PDS5A: variants seen among roughly 807,000 people sequenced by gnomAD.
PDS5A encodes sister chromatid cohesion protein PDS5 homolog A.
PDS5A carries 42 observed loss-of-function variants against 167.1 expected under a neutral mutation model. The observed-to-expected ratio is 0.25, with a 90% CI of 0.20 to 0.33. PDS5A has a LOEUF of 0.33. PDS5A is among the 10% of genes least tolerant of loss of function. The pLI, the probability that PDS5A is intolerant of heterozygous loss-of-function variation, is 1.00. For synonymous variants in PDS5A, 553 were observed against 554.6 expected (o/e 1.00, Z 0.04); for missense variants, 1,033 against 1,605.9 (o/e 0.64, Z 6.10).
At chr4:39,937,042 C>G (rs571494026) in intron 2 of PDS5A, among the ~76,000 whole-genome samples, 19 of 152,300 alleles carry the variant, frequency 1.2e-4, no homozygotes, top group African/African-American at 3.8e-4. Context: ...CCCAGCATAT[C>G]ACTGTGTTCA....
intron 26 of PDS5A, among the ~76,000 whole-genome samples, chr4:39,854,910 T>C (rs1718415223): frequency 6.6e-6 from 1 of 152,210 alleles, no homozygotes; most frequent in Non-Finnish European, 1.5e-5. Flanking sequence ...GAATAATTGT[T>C]TTCTTCTTAA....
chr4:39,951,902 A>G (rs1285191805), intron 2 of PDS5A, among the ~76,000 whole-genome samples: 1 of 150,324 alleles, frequency 6.7e-6, no homozygotes, highest in African/African-American at 2.5e-5. Context: ...CTGTCTCAAA[A>G]AAAAAAAAAA....
At chr4:39,884,172 C>T (rs1228399220) in intron 17 of PDS5A, among the ~76,000 whole-genome samples, 1 of 152,124 alleles carries the variant, frequency 6.6e-6, no homozygotes, top group East Asian at 1.9e-4. Context: ...CGTGATCTGC[C>T]CGCCTCGGCC....
intron 17 of PDS5A, among the ~76,000 whole-genome samples, chr4:39,887,780 G>C (rs185946248): frequency 3.9e-5 from 6 of 152,246 alleles, no homozygotes; most frequent in African/African-American, 1.4e-4. Flanking sequence ...AAAAAGCGAA[G>C]AGACAACCCA....
intron 18 of PDS5A, among the ~76,000 whole-genome samples, chr4:39,877,551 T>C (rs1201765625): frequency 6.6e-6 from 1 of 152,232 alleles, no homozygotes; most frequent in African/African-American, 2.4e-5. Flanking sequence ...CCATACGTAA[T>C]GACTCAATCT....
At chr4:39,962,878 C>T (rs6833663) in intron 2 of PDS5A, among the ~76,000 whole-genome samples, 2,010 of 152,268 alleles carry the variant, frequency 0.013, 18 homozygotes, top group Non-Finnish European at 0.019. Context: ...AGGAGAATCA[C>T]TTGAACCTGG....
chr4:39,848,373 G>A (rs1033284397), intron 28 of PDS5A: 1 of 157,126 alleles, frequency 6.4e-6, no homozygotes, highest in African/African-American at 2.4e-5. Flanking sequence ...TAGATGCACT[G>A]TATATTAATT....
intron 17 of PDS5A, among the ~76,000 whole-genome samples, chr4:39,885,291 A>G (rs570448472): frequency 6.0e-5 from 9 of 149,816 alleles, no homozygotes; most frequent in African/African-American, 1.5e-4. Context: ...AGACAAAAGA[A>G]AGGAGAAGAG....
intron 2 of PDS5A, among the ~76,000 whole-genome samples, chr4:39,957,314 C>T (rs1272264301): frequency 6.6e-6 from 1 of 151,286 alleles, no homozygotes; most frequent in Admixed American, 6.6e-5. Context: ...GAGACTCCAT[C>T]GCAAGAAAAA....
chr4:39,849,448 A>AAC (rs1387642837), intron 27 of PDS5A, 72 bp downstream of exon 27: 2 of 1,112,828 alleles, frequency 1.8e-6, no homozygotes, highest in South Asian at 1.8e-5. Flanking sequence ...CAAAAAAAAA[A>AAC]AAAAAAAACC....
chr4:39,913,089 CTTT>C (rs57878074), intron 9 of PDS5A, among the ~76,000 whole-genome samples: 11 of 143,788 alleles, frequency 7.7e-5, no homozygotes, highest in Non-Finnish European at 7.6e-5. Flanking sequence ...TAATGACTTT[CTTT>C]TTTTTTTTTT....
At chr4:39,855,095 T>G (rs1718429661) in intron 26 of PDS5A, among the ~76,000 whole-genome samples, 1 of 152,082 alleles carries the variant, frequency 6.6e-6, no homozygotes, top group Admixed American at 6.5e-5. Flanking sequence ...AAACAACTAT[T>G]AAGCTGGAAA....
At position 39,977,020 on chromosome 4, in the gene PDS5A, G is replaced by A. The variant is rs1041721701; in HGVS notation, c.-40-403C>T. ...TCCCCTCCGGGAAACCAGACCCGAG[G>A]CCTATAGGGCTCGGCTTAGGCCGCA... On this transcript the variant is annotated intron_variant, in intron 1 of 32. Transcript: ENST00000303538. The surrounding 1 kb of genome is among the most constrained non-coding windows in gnomAD (Gnocchi z 4.2). Among the ~76,000 whole-genome samples, 1 of 152,140 alleles carries A rather than the reference G, an allele frequency of 6.6e-6. No homozygotes were observed. Among genetic ancestry groups the A allele is most frequent in the African/African-American group, 2.4e-5 (1 of 41,452 alleles).
intron 2 of PDS5A, among the ~76,000 whole-genome samples, chr4:39,959,011 C>T (rs541654617): frequency 9.5e-4 from 144 of 152,324 alleles, no homozygotes; most frequent in African/African-American, 3.3e-3. Flanking sequence ...AAGTCTGAGA[C>T]TTCAAATCCC....
At chr4:39,916,415 G>A (rs999994920) in intron 8 of PDS5A, among the ~76,000 whole-genome samples, 4 of 152,042 alleles carry the variant, frequency 2.6e-5, no homozygotes, top group South Asian at 4.1e-4. Context: ...ACCATATGAG[G>A]ATTACATTTA....
chr4:39,912,333 T>C (rs1225587755), intron 9 of PDS5A, among the ~76,000 whole-genome samples: 1 of 152,208 alleles, frequency 6.6e-6, no homozygotes, highest in Non-Finnish European at 1.5e-5. Flanking sequence ...AAATGAAGCC[T>C]TGCGTTTTTG....
chr4:39,937,189 A>AT (rs1240128061), intron 2 of PDS5A, among the ~76,000 whole-genome samples: 1 of 152,006 alleles, frequency 6.6e-6, no homozygotes, highest in African/African-American at 2.4e-5. Flanking sequence ...CAATCCTCTA[A>AT]TTTAAGTGAC....
chr4:39,957,944 T>C (rs1729116453), intron 2 of PDS5A, among the ~76,000 whole-genome samples: 1 of 151,670 alleles, frequency 6.6e-6, no homozygotes, highest in South Asian at 2.1e-4. Flanking sequence ...TCACCTGAGG[T>C]CAGGAGTTCA....
intron 2 of PDS5A, among the ~76,000 whole-genome samples, chr4:39,969,470 C>G (rs1730298732): frequency 6.6e-6 from 1 of 152,080 alleles, no homozygotes; most frequent in South Asian, 2.1e-4. Flanking sequence ...AGTTCGAGAC[C>G]AGCCTGACCA....
Sources: gnomAD v4.1 joint callset for allele counts (sites outside exome capture counted in the v4.1 genomes callset) on GRCh38, gnomAD v4.1.1 for gene constraint, Gnocchi (gnomAD v3.1) non-coding constraint, MANE v1.5 for transcripts, NCBI Gene and HGNC (gene_info 2026-07-23, HGNC 2026-07-21) for gene names.